SIM1: variants seen among roughly 807,000 people sequenced by gnomAD.
SIM1 encodes single-minded homolog 1.
Under a neutral mutation model 78.2 loss-of-function variants are expected in SIM1, and 18 were observed. The observed-to-expected ratio is 0.23, with a 90% confidence interval of 0.16 to 0.34. SIM1 has a LOEUF of 0.34. Among genes scored for constraint, SIM1 ranks in the 10% least tolerant of loss-of-function variants. SIM1 has a pLI of 1.00. For missense variants in SIM1, 939 were observed against 975.1 expected, an observed-to-expected ratio of 0.96 and a Z score of 0.49; for synonymous variants, 417 against 385.2, an observed-to-expected ratio of 1.08 and a Z score of -0.97.
In SIM1 at chr6:100,412,683, A is replaced by AAAAGAAAGAAAG. The variant is rs373803181; in HGVS notation, c.1167+8095_1167+8106dup. On this transcript the variant is annotated intron_variant, in intron 10 of 11. Coordinates refer to ENST00000369208, the MANE Select transcript of SIM1 (RefSeq NM_005068.3). ...AGAGAGAGAGAGAGAGAAAGAAAGA[A>AAAAGAAAGAAAG]AAAGAAAGAAAGAAAGAAAGAAAGA... is the stretch of plus-strand genomic sequence containing the variant. 8.1e-3 allele frequency among the ~76,000 whole-genome samples: 625 copies of AAAAGAAAGAAAG among 77,080 alleles called. 11 individuals are homozygous for AAAAGAAAGAAAG. Among genetic ancestry groups the AAAAGAAAGAAAG allele is most frequent in the South Asian group, 0.012 (21 of 1,818 alleles). The allele number at this position is 77,080 out of a possible 152,430, so 50.6% of individuals were successfully genotyped here.
At chr6:100,459,009 C>T (rs1307503660) in intron 2 of SIM1, among the ~76,000 whole-genome samples, 1 of 152,182 alleles carries the variant, frequency 6.6e-6, no homozygotes, top group Admixed American at 6.5e-5. Flanking sequence ...CCTGGCGGGA[C>T]GGAGAAGTGC....
intron 3 of SIM1, 59 bp from the exon 4 acceptor site, chr6:100,450,415 G>A: frequency 6.8e-7 from 1 of 1,473,100 alleles, no homozygotes; most frequent in South Asian, 1.1e-5. Context: ...AGAAATGGGA[G>A]CAGGAGGACA....
In SIM1 at chr6:100,412,555, A is replaced by AAAGAAAGAAAGAAAG. The variant is rs1281547759; in HGVS notation, c.1167+8234_1167+8235insCTTTCTTTCTTTCTT. Among the ~76,000 whole-genome samples, 227 of 64,480 alleles carry AAAGAAAGAAAGAAAG rather than the reference A, an allele frequency of 3.5e-3. 27 individuals carry two copies. The highest frequency in any genetic ancestry group is 0.011 in the East Asian group (11 of 1,028). The allele number at this position is 64,480 out of a possible 152,430, so 42.3% of individuals were successfully genotyped here. On this transcript the variant is annotated intron_variant, in intron 10 of 11. Transcript: ENST00000369208. ...CTGTCTAAGAAAGAAAGAAAGAAAG[A>AAAGAAAGAAAGAAAG]AAAGAAAGAAAGAAAGAAAGAAAGA...
intron 2 of SIM1, among the ~76,000 whole-genome samples, chr6:100,459,806 A>G (rs558066304): frequency 6.6e-6 from 1 of 152,266 alleles, no homozygotes; most frequent in Non-Finnish European, 1.5e-5. Context: ...AAAGTTGATT[A>G]TGAAAGCCTC....
At chr6:100,392,211 TAAC>T (rs1770660765) in intron 11 of SIM1, among the ~76,000 whole-genome samples, 1 of 152,146 alleles carries the variant, frequency 6.6e-6, no homozygotes, top group African/African-American at 2.4e-5. Context: ...ATAATTTTAA[TAAC>T]AACCTGTTTG....
intron 3 of SIM1, among the ~76,000 whole-genome samples, chr6:100,450,696 TCACACACACA>T (rs112151329): frequency 8.3e-4 from 76 of 91,910 alleles, no homozygotes; most frequent in African/African-American, 2.4e-3. Flanking sequence ...TCTCTCTCTC[TCACACACACA>T]CACACACACA....
At chr6:100,398,485 T>C (rs1425387166) in intron 10 of SIM1, among the ~76,000 whole-genome samples, 2 of 152,122 alleles carry the variant, frequency 1.3e-5, no homozygotes, top group Non-Finnish European at 2.9e-5. Context: ...CTGTCTCTAT[T>C]ACTTTGACTA....
chr6:100,394,645 T>C (rs1241755159), intron 10 of SIM1, among the ~76,000 whole-genome samples: 2 of 152,160 alleles, frequency 1.3e-5, no homozygotes, highest in Non-Finnish European at 2.9e-5. Context: ...GTTCAAGCAA[T>C]TCTCCCGCCT....
intron 9 of SIM1, among the ~76,000 whole-genome samples, chr6:100,423,819 A>C (rs993874215): frequency 6.6e-6 from 1 of 152,224 alleles, no homozygotes; most frequent in Non-Finnish European, 1.5e-5. Context: ...CAGGAGGTAG[A>C]GCCTCCACTC....
In SIM1 at chr6:100,393,674, A is replaced by T. The variant is rs1288123896; in HGVS notation, c.1383T>A (p.His461Gln). The T allele has an allele frequency of 6.2e-7, 1 of 1,613,916 alleles. No individual in the cohort carries two copies. Among genetic ancestry groups the T allele is most frequent in the Non-Finnish European group, 8.5e-7 (1 of 1,179,922 alleles). The change falls in exon 11 of 12, where the codon CAT becomes CAA. Residue 461 changes from histidine (H) to glutamine (Q), a missense_variant. Transcript: ENST00000369208. ...CTCCTTCACAGGCCTGGGTATGGAA[A>T]TGCCTCTCTTCCACCAGCCTCGAGT... ...LDHSRLVEER[H>Q]FHTQACEGGR...
intron 9 of SIM1, among the ~76,000 whole-genome samples, chr6:100,440,136 A>C (rs1265614094): frequency 6.6e-6 from 1 of 152,208 alleles, no homozygotes; most frequent in Non-Finnish European, 1.5e-5. Context: ...AATACTAGGC[A>C]CCTGCTTTCT....
chr6:100,425,720 C>A (rs1258724957), intron 9 of SIM1, among the ~76,000 whole-genome samples: 2 of 152,148 alleles, frequency 1.3e-5, no homozygotes, highest in African/African-American at 4.8e-5. Context: ...CCTCCTAACC[C>A]AGACACAAAT....
intron 2 of SIM1, among the ~76,000 whole-genome samples, chr6:100,455,248 C>T (rs1772616404): frequency 6.6e-6 from 1 of 152,184 alleles, no homozygotes; most frequent in African/African-American, 2.4e-5. Flanking sequence ...TTCCCCACCA[C>T]TCTGCAAACA....
At chr6:100,410,559 G>T (rs1771166299) in intron 10 of SIM1, among the ~76,000 whole-genome samples, 1 of 152,182 alleles carries the variant, frequency 6.6e-6, no homozygotes, top group African/African-American at 2.4e-5. Context: ...GATAGGATTT[G>T]AGAAGCAAGT....
At chr6:100,416,493 C>T (rs979479452) in intron 10 of SIM1, among the ~76,000 whole-genome samples, 1 of 152,068 alleles carries the variant, frequency 6.6e-6, no homozygotes, top group African/African-American at 2.4e-5. Context: ...TCCAATTTTG[C>T]TTTTGCTCTG....
chr6:100,407,764 C>A (rs1043052008), intron 10 of SIM1, among the ~76,000 whole-genome samples: 2 of 152,084 alleles, frequency 1.3e-5, no homozygotes, highest in Non-Finnish European at 2.9e-5. Context: ...AAGGTCTAGT[C>A]AGGTCCTTTG....
rs1582597637 is a variant in SIM1 at position 100,390,155 on chromosome 6, G to T, written c.*206C>A. 22 of 573,444 alleles carry T rather than the reference G, an allele frequency of 3.8e-5. No homozygotes were observed. The East Asian group carries it at 6.2e-4, about 16-fold the overall frequency. 35.5% of individuals were successfully genotyped at this position (573,444 alleles called of 1,614,324 possible). A position where few individuals can be genotyped will look rare whatever the true frequency, so the allele number is the denominator to read the frequency against. ...TCCCATATAATTAGAGGGGAAATTT[G>T]TGTATTCAATTTAGCTCCCTTTTCT... On this transcript the variant is annotated 3_prime_UTR_variant, in exon 12 of 12. Coordinates refer to ENST00000369208, the MANE Select transcript of SIM1 (RefSeq NM_005068.3).
intron 10 of SIM1, chr6:100,396,032 C>T (rs1770757247): frequency 1.0e-6 from 1 of 955,456 alleles, no homozygotes; most frequent in Non-Finnish European, 1.2e-6. Flanking sequence ...TAGGAGACAT[C>T]AAGGCATCCT....
intron 10 of SIM1, among the ~76,000 whole-genome samples, chr6:100,409,351 A>G (rs1218427438): frequency 6.6e-6 from 1 of 152,088 alleles, no homozygotes; most frequent in Non-Finnish European, 1.5e-5. Context: ...GGGGTCTCTT[A>G]TAATCATTGA....
Sources: allele counts gnomAD v4.1 joint callset (sites outside exome capture counted in the v4.1 genomes callset), GRCh38; gene constraint gnomAD v4.1.1; transcripts MANE v1.5; gene names NCBI Gene and HGNC (gene_info 2026-07-23, HGNC 2026-07-21).